Variants in STK33 observed in about 807,000 individuals in gnomAD.
The protein encoded by STK33 is serine/threonine-protein kinase 33.
In STK33, 52 loss-of-function variants were observed where a neutral mutation model predicts 58.0. The observed-to-expected ratio is 0.90, with a 90% CI of 0.72 to 1.13. The LOEUF (loss-of-function observed/expected upper bound fraction) is 1.13. Among genes scored for constraint, STK33 ranks in the 50% most tolerant of loss-of-function variants. STK33 has a pLI of 0.00. For synonymous variants in STK33, 215 were observed against 200.1 expected (o/e 1.07, Z -0.63); for missense variants, 630 against 604.2 (o/e 1.04, Z -0.45).
At chr11:8,465,211 T>C (rs1016108028) in intron 6 of STK33, 8 of 152,550 alleles carry the variant, frequency 5.2e-5, no homozygotes, top group African/African-American at 1.7e-4. Flanking sequence ...CCCCAAAACA[T>C]CCCAAATTTC....
intron 1 of STK33, among the ~76,000 whole-genome samples, chr11:8,483,062 GACTA>G (rs1182615612): frequency 1.3e-5 from 2 of 152,166 alleles, no homozygotes; most frequent in Non-Finnish European, 2.9e-5. Context: ...TTGTTGTGAG[GACTA>G]ACTATATAAC....
chr11:8,371,831 C>T, the STK33 span, among the ~76,000 whole-genome samples: 1 of 145,194 alleles, frequency 6.9e-6, no homozygotes, highest in Non-Finnish European at 1.5e-5. Flanking sequence ...CCTTCCCTCC[C>T]ACCCTTCCTT....
chr11:8,497,146 C>A (rs1217324191), intron 1 of STK33, among the ~76,000 whole-genome samples: 1 of 151,676 alleles, frequency 6.6e-6, no homozygotes, highest in East Asian at 1.9e-4. Flanking sequence ...TATGCATAAC[C>A]CAAGGGAGAG....
At chr11:8,400,501 A>G (rs1590753514) in intron 15 of STK33, among the ~76,000 whole-genome samples, 1 of 152,362 alleles carries the variant, frequency 6.6e-6, no homozygotes, top group South Asian at 2.1e-4. Context: ...TGACAAACCC[A>G]CAGCCAATAT....
chr11:8,537,081 A>G (rs1434272357), intron 1 of STK33, among the ~76,000 whole-genome samples: 1 of 131,358 alleles, frequency 7.6e-6, no homozygotes, highest in Non-Finnish European at 1.5e-5. Flanking sequence ...CCTGGGTTCA[A>G]GTGATTCTCC....
chr11:8,425,676 G>C (rs151033604), intron 14 of STK33, among the ~76,000 whole-genome samples: 1 of 152,200 alleles, frequency 6.6e-6, no homozygotes, highest in East Asian at 1.9e-4. Flanking sequence ...ATAAATAGTA[G>C]AGAGCTAGAT....
intron 1 of STK33, among the ~76,000 whole-genome samples, chr11:8,568,228 A>G (rs563945509): frequency 2.6e-5 from 4 of 152,290 alleles, no homozygotes; most frequent in Non-Finnish European, 5.9e-5. Flanking sequence ...AGTAATTCAC[A>G]TTTTCTATTC....
At chr11:8,403,607 C>T (rs1938530465) in intron 15 of STK33, among the ~76,000 whole-genome samples, 1 of 152,194 alleles carries the variant, frequency 6.6e-6, no homozygotes, top group Non-Finnish European at 1.5e-5. Flanking sequence ...CCATTTGGGA[C>T]AGTTGAAGAA....
intron 1 of STK33, among the ~76,000 whole-genome samples, chr11:8,548,344 G>A (rs1956085631): frequency 6.6e-6 from 1 of 152,100 alleles, no homozygotes; most frequent in Admixed American, 6.5e-5. Context: ...AGTTTCCCCA[G>A]TATCGTGTAT....
At chr11:8,591,285 C>T in intron 1 of STK33, among the ~76,000 whole-genome samples, 1 of 152,296 alleles carries the variant, frequency 6.6e-6, no homozygotes, top group East Asian at 1.9e-4. Flanking sequence ...CATCACACTA[C>T]TCAGCTTTCT....
chr11:8,517,152 G>T (rs1325418147), intron 1 of STK33, among the ~76,000 whole-genome samples: 1 of 152,162 alleles, frequency 6.6e-6, no homozygotes, highest in African/African-American at 2.4e-5. Flanking sequence ...AAAGGGTCAG[G>T]CAGCAACATC....
chr11:8,381,966 C>A, the STK33 span, among the ~76,000 whole-genome samples: 2 of 152,132 alleles, frequency 1.3e-5, no homozygotes, highest in African/African-American at 4.8e-5. Context: ...CCAGAGCAAT[C>A]TCTGCTGAGA....
intron 1 of STK33, among the ~76,000 whole-genome samples, chr11:8,494,412 G>C (rs1211047641): frequency 6.6e-6 from 1 of 152,128 alleles, no homozygotes; most frequent in Non-Finnish European, 1.5e-5. Context: ...TCTTCAAGGA[G>C]AACTACAAAC....
chr11:8,340,006 CGCGCGACCA>C, the STK33 span, among the ~76,000 whole-genome samples: 1 of 152,268 alleles, frequency 6.6e-6, no homozygotes, highest in East Asian at 1.9e-4. Context: ...GAAGGCGCAC[CGCGCGACCA>C]GCACCTTGTT....
At chr11:8,515,350 A>G (rs1952682460) in intron 1 of STK33, among the ~76,000 whole-genome samples, 1 of 152,182 alleles carries the variant, frequency 6.6e-6, no homozygotes, top group African/African-American at 2.4e-5. Context: ...AGAACCTACC[A>G]AGATAAATTC....
intron 1 of STK33, among the ~76,000 whole-genome samples, chr11:8,578,378 A>G (rs1042898344): frequency 6.6e-6 from 1 of 152,008 alleles, no homozygotes; most frequent in African/African-American, 2.4e-5. Context: ...ATAGGGAACT[A>G]TTTAAGTAAG....
In STK33 at chr11:8,413,640, T is replaced by G; in HGVS notation, c.1199A>C (p.Glu400Ala). The change falls in exon 15 of 16, where the codon GAA (glutamate) becomes GCA (alanine). Residue 400 changes from glutamate to alanine, a missense_variant. By Grantham distance (107) the Glu-to-Ala change is moderately radical. Coordinates refer to ENST00000687296, the MANE Select transcript of STK33 (RefSeq NM_001352389.2). Reference protein sequence around the residue: ...RPTNVLEMMKEWKNNPESVEE... With the variant: ...RPTNVLEMMKAWKNNPESVEE... ...AACACTTTCTGGGTTATTTTTCCAT[T>G]CCTTCATCATCTCTAATACATTGGT... is the stretch of plus-strand genomic sequence containing the variant. The G allele has an allele frequency of 3.7e-6, 6 of 1,613,984 alleles. No individual in the cohort carries two copies. Among genetic ancestry groups the G allele is most frequent in the Middle Eastern group, 1.7e-4 (1 of 6,060 alleles).
chr11:8,372,625 T>C, the STK33 span, among the ~76,000 whole-genome samples: 7,542 of 152,332 alleles, frequency 0.05, 556 homozygotes, highest in African/African-American at 0.16. Flanking sequence ...TCCCACCGCA[T>C]AGGCGGGTTG....
intron 1 of STK33, among the ~76,000 whole-genome samples, chr11:8,496,829 C>A (rs1235476443): frequency 6.6e-6 from 1 of 152,032 alleles, no homozygotes; most frequent in African/African-American, 2.4e-5. Context: ...CTGCCTCGGC[C>A]TCCCAAAGTG....
Sources: gnomAD v4.1 joint callset for allele counts (sites outside exome capture counted in the v4.1 genomes callset) on GRCh38, gnomAD v4.1.1 for gene constraint, MANE v1.5 for transcripts, NCBI Gene and HGNC (gene_info 2026-07-23, HGNC 2026-07-21) for gene names.